ZNF717: variants seen among roughly 807,000 people sequenced by gnomAD.
The protein encoded by ZNF717 is krueppel-like factor X17.
A neutral mutation model predicts 13.8 loss-of-function variants in ZNF717; 9 were observed. That is an observed-to-expected ratio of 0.65 (90% CI 0.39 to 1.14). The LOEUF (loss-of-function observed/expected upper bound fraction) is 1.14, where lower values mean the gene tolerates loss of function less well. Ranked by LOEUF, ZNF717 falls within the 50% of genes most tolerant of loss-of-function variation. ZNF717 has a pLI of 0.01. For synonymous variants in ZNF717, 327 were observed against 364.1 expected, an observed-to-expected ratio of 0.90 and a Z score of 1.16; for missense variants, 1,040 against 1,080.7, an observed-to-expected ratio of 0.96 and a Z score of 0.53.
intron 6 of ZNF717, among the ~76,000 whole-genome samples, chr3:75,696,654 A>G (rs1575756592): frequency 6.6e-6 from 1 of 152,298 alleles, no homozygotes; most frequent in Non-Finnish European, 1.5e-5. Flanking sequence ...GCACTTTGGG[A>G]AGCCGAGGTG....
At chr3:75,732,685 A>C (rs1200151969), downstream of ZNF717, among the ~76,000 whole-genome samples, 3 of 152,228 alleles carry the variant, frequency 2.0e-5, no homozygotes, top group Non-Finnish European at 4.4e-5. Flanking sequence ...TTGAGCAATA[A>C]ATTTCTGTTG....
intron 2 of ZNF717, among the ~76,000 whole-genome samples, chr3:75,755,871 A>G (rs1253218172): frequency 6.6e-6 from 1 of 152,286 alleles, no homozygotes; most frequent in East Asian, 1.9e-4. Context: ...CACAGTAGAT[A>G]TTAATCCAAT....
chr3:75,708,491 A>G (rs1470391651), downstream of ZNF717, among the ~76,000 whole-genome samples: 4 of 152,322 alleles, frequency 2.6e-5, no homozygotes, highest in African/African-American at 9.6e-5. Flanking sequence ...AAAGACCAAA[A>G]GTAGATAAAA....
At chr3:75,706,516 C>A (rs1937805725), downstream of ZNF717, among the ~76,000 whole-genome samples, 3 of 152,278 alleles carry the variant, frequency 2.0e-5, no homozygotes, top group African/African-American at 7.2e-5. Flanking sequence ...AGCCCCTGGG[C>A]CCCAGGCCTC....
intron 2 of ZNF717, among the ~76,000 whole-genome samples, chr3:75,750,088 C>T (rs78745567): frequency 6.6e-6 from 1 of 150,992 alleles, no homozygotes; most frequent in Non-Finnish European, 1.5e-5. Context: ...ACATAGGATA[C>T]CAGTACCCTG....
intron 2 of ZNF717, among the ~76,000 whole-genome samples, chr3:75,779,428 G>C (rs1944626939): frequency 6.6e-6 from 1 of 151,440 alleles, no homozygotes; most frequent in Non-Finnish European, 1.5e-5. Context: ...AAAACAATGG[G>C]AGTGATGTGC....
At chr3:75,710,332 T>A (rs1937906391) in exon 6 of ZNF717, 1 of 152,246 alleles carries the variant, frequency 6.6e-6, no homozygotes, top group Non-Finnish European at 1.5e-5. Flanking sequence ...TTTGTGTCTA[T>A]AAATTTCTAA....
chr3:75,783,007 C>A (rs147534259), intron 2 of ZNF717, among the ~76,000 whole-genome samples: 13 of 152,374 alleles, frequency 8.5e-5, no homozygotes, highest in African/African-American at 3.1e-4. Context: ...TGCACACAAG[C>A]TTTCCTGTCC....
downstream of ZNF717, among the ~76,000 whole-genome samples, chr3:75,735,422 T>TA (rs1448114722): frequency 6.6e-6 from 1 of 150,838 alleles, no homozygotes; most frequent in Non-Finnish European, 1.5e-5. Flanking sequence ...GTCCAGGAGT[T>TA]AGAGACTATC....
At chr3:75,713,631 G>A (rs1167393901) in intron 5 of ZNF717, among the ~76,000 whole-genome samples, 1 of 152,040 alleles carries the variant, frequency 6.6e-6, no homozygotes, top group Non-Finnish European at 1.5e-5. Context: ...TATAACTCTA[G>A]GCAAAAGTTA....
chr3:75,739,069 A>G lies in ZNF717; in HGVS notation c.554T>C (p.Ile185Thr). The G allele has an allele frequency of 1.3e-6, 2 of 1,551,616 alleles. No homozygotes were observed. The highest frequency in any genetic ancestry group is 1.2e-5 in the South Asian group (1 of 84,056). ...ATGATGTCTGTGGGATCTCCTGGTT[A>G]TATCACAGACATGAGGTTTCTCTCC... The part of the protein sequence containing the change: ...QSGEKPHVCD[I>T]TRRSHRHHEH... The change falls in exon 5 of 5, where the codon ATA becomes ACA. Residue 185 changes from isoleucine (I) to threonine (T), a missense_variant. Physicochemically the swap from Ile to Thr is moderately conservative, Grantham distance 89 (BLOSUM62 -1). Coordinates refer to ENST00000652011, the MANE Select transcript of ZNF717 (RefSeq NM_001290208.3).
chr3:75,700,753 G>A (rs115296659), intron 6 of ZNF717, among the ~76,000 whole-genome samples: 112 of 135,578 alleles, frequency 8.3e-4, no homozygotes, highest in African/African-American at 2.5e-3. Flanking sequence ...AGAATAAAAC[G>A]AGAATCCTAT....
At chr3:75,745,196 A>G (rs1941021910) in intron 2 of ZNF717, among the ~76,000 whole-genome samples, 1 of 142,866 alleles carries the variant, frequency 7.0e-6, no homozygotes, top group Admixed American at 7.1e-5. Flanking sequence ...TTACTTTATT[A>G]ATATTTATTT....
At chr3:75,718,443 G>A (rs1396578173) in intron 4 of ZNF717, among the ~76,000 whole-genome samples, 20 of 152,058 alleles carry the variant, frequency 1.3e-4, no homozygotes, top group Non-Finnish European at 2.4e-4. Flanking sequence ...AATTGTCCTG[G>A]GAGTCTAACT....
exon 6 of ZNF717, chr3:75,710,578 G>A (rs1365374489): frequency 2.6e-5 from 4 of 152,134 alleles, no homozygotes; most frequent in South Asian, 2.1e-4. Flanking sequence ...TGGGAAAATC[G>A]GCATGAAAAC....
At chr3:75,728,271 A>T (rs1252153359), downstream of ZNF717, among the ~76,000 whole-genome samples, 1 of 152,266 alleles carries the variant, frequency 6.6e-6, no homozygotes, top group South Asian at 2.1e-4. Flanking sequence ...CACTTCGGTC[A>T]ATCAAGAAAA....
chr3:75,722,786 AGAGT>A (rs1251154994), intron 4 of ZNF717, among the ~76,000 whole-genome samples: 3 of 140,066 alleles, frequency 2.1e-5, no homozygotes, highest in Non-Finnish European at 4.6e-5. Context: ...GCCTGGTGAC[AGAGT>A]GAAACTCCAT....
In ZNF717 at chr3:75,768,364, G is replaced by C. The variant is rs1326818573; in HGVS notation, c.57+14942C>G. Among the ~76,000 whole-genome samples, 10 of 118,726 alleles carry C rather than the reference G, an allele frequency of 8.4e-5. 2 individuals are homozygous for C. The highest frequency in any genetic ancestry group is 7.3e-4 in the Admixed American group (9 of 12,340). 77.9% of individuals were successfully genotyped at this position (118,726 alleles called of 152,430 possible). On this transcript the variant is annotated intron_variant, in intron 2 of 4. Coordinates refer to ENST00000652011, the MANE Select transcript of ZNF717 (RefSeq NM_001290208.3). ...AGTCCTCACTGTGGCTGAGTGTGGG[G>C]GGGGGGGGTAGATGACAGCCCACCA... is the stretch of plus-strand genomic sequence containing the variant.
intron 2 of ZNF717, among the ~76,000 whole-genome samples, chr3:75,778,507 A>G (rs1160698430): frequency 6.6e-6 from 1 of 151,974 alleles, no homozygotes; most frequent in African/African-American, 2.4e-5. Flanking sequence ...CGGAACGCAA[A>G]ACAATGGCAG....
Sources: allele counts gnomAD v4.1 joint callset (sites outside exome capture counted in the v4.1 genomes callset), GRCh38; gene constraint gnomAD v4.1.1; transcripts MANE v1.5; gene names NCBI Gene and HGNC (gene_info 2026-07-23, HGNC 2026-07-21).